EYS: variants seen among roughly 807,000 people sequenced by gnomAD.
The protein encoded by EYS is protein eyes shut homolog.
In EYS, 250 loss-of-function variants were observed where a neutral mutation model predicts 282.1. The observed-to-expected ratio is 0.89, with a 90% CI of 0.80 to 0.98. The LOEUF is 0.98. EYS is among the 50% of genes least tolerant of loss of function. The probability of loss-of-function intolerance (pLI) is 0.00; values close to 1 mark genes in which losing one functional copy is unlikely to be tolerated. For missense variants in EYS, 4,016 were observed against 3,709.0 expected, an observed-to-expected ratio of 1.08 and a Z score of -2.15; for synonymous variants, 1,355 against 1,282.9, an observed-to-expected ratio of 1.06 and a Z score of -1.20.
chr6:64,275,784 T>C (rs1768095002), intron 30 of EYS, among the ~76,000 whole-genome samples: 1 of 138,494 alleles, frequency 7.2e-6, no homozygotes, highest in South Asian at 2.4e-4. Flanking sequence ...TGAAACCCTG[T>C]GTCTACTAAA....
At chr6:65,056,462 T>C (rs1773418798) in intron 13 of EYS, among the ~76,000 whole-genome samples, 1 of 152,004 alleles carries the variant, frequency 6.6e-6, no homozygotes, top group African/African-American at 2.4e-5. Context: ...TATGCTGGCA[T>C]GCACCTGTAG....
intron 26 of EYS, among the ~76,000 whole-genome samples, chr6:64,472,107 C>G: frequency 6.6e-6 from 1 of 152,070 alleles, no homozygotes; most frequent in East Asian, 1.9e-4. Flanking sequence ...CTGTGGATTA[C>G]TACACAAAAA....
chr6:64,660,140 T>C (rs1415468844), intron 22 of EYS, among the ~76,000 whole-genome samples: 3 of 152,112 alleles, frequency 2.0e-5, no homozygotes, highest in Admixed American at 6.5e-5. Context: ...AAAAACCACA[T>C]GATTATCTCA....
At chr6:65,348,776 G>T (rs999507436) in intron 9 of EYS, among the ~76,000 whole-genome samples, 3 of 151,626 alleles carry the variant, frequency 2.0e-5, no homozygotes, top group African/African-American at 7.2e-5. Flanking sequence ...TATTACTCAA[G>T]AAATCTTTGC....
At position 63,736,851 on chromosome 6, in the gene EYS, T is replaced by G. The variant is rs539002656; in HGVS notation, c.8072-10171A>C. Among the ~76,000 whole-genome samples the G allele has an allele frequency of 4.2e-3, 641 of 152,204 alleles. 6 individuals carry two copies. The highest frequency in any genetic ancestry group is 0.015 in the African/African-American group (615 of 41,530). On this transcript the variant is annotated intron_variant, in intron 41 of 42. Transcript: ENST00000503581. ...GGTATTTTATTCTCTTTGAAGCAAT[T>G]GTGAATGGGAGTTCACTCATGATTT... is the stretch of plus-strand genomic sequence containing the variant.
chr6:64,534,344 A>G (rs1764452622), intron 26 of EYS, among the ~76,000 whole-genome samples: 1 of 152,006 alleles, frequency 6.6e-6, no homozygotes, highest in African/African-American at 2.4e-5. Context: ...ATTTTCTAAA[A>G]TGAGTCTGTG....
chr6:64,305,301 T>A (rs1368012022), intron 30 of EYS, among the ~76,000 whole-genome samples: 2 of 151,258 alleles, frequency 1.3e-5, no homozygotes. Context: ...TGTTTATGAA[T>A]TGGAAAAAAG....
rs186901881 is a variant in EYS, at chr6:64,107,205, G to T, written c.6425-25203C>A. ...TGTTTGTACAGTCCCTTCAAACAGT[G>T]TATGAGTTGGATTCTCTAGAGGAAC... On this transcript the variant is annotated intron_variant, in intron 31 of 42. Coordinates refer to ENST00000503581, the MANE Select transcript of EYS (RefSeq NM_001142800.2). 4.2e-3 allele frequency among the ~76,000 whole-genome samples: 609 copies of T among 144,096 alleles called. 6 individuals are homozygous for T. Among genetic ancestry groups the T allele is most frequent in the South Asian group, 0.018 (83 of 4,638 alleles). 94.5% of individuals were successfully genotyped at this position (144,096 alleles called of 152,430 possible).
chr6:64,582,118 C>A (rs889105070), intron 26 of EYS, among the ~76,000 whole-genome samples: 2 of 152,262 alleles, frequency 1.3e-5, no homozygotes, highest in African/African-American at 2.4e-5. Flanking sequence ...ACCTCTGTCA[C>A]AACTATTCAA....
intron 26 of EYS, among the ~76,000 whole-genome samples, chr6:64,566,786 AT>A: frequency 6.6e-6 from 1 of 152,038 alleles, no homozygotes; most frequent in Non-Finnish European, 1.5e-5. Flanking sequence ...ATATATATAT[AT>A]TTTTAAGACA....
intron 2 of EYS, among the ~76,000 whole-genome samples, chr6:65,503,247 A>G (rs1275557317): frequency 6.6e-6 from 1 of 151,468 alleles, no homozygotes; most frequent in Admixed American, 6.6e-5. Flanking sequence ...TTATATGTTT[A>G]TTTACCATCT....
At chr6:64,093,630 C>T (rs1317752743) in intron 31 of EYS, among the ~76,000 whole-genome samples, 1 of 152,072 alleles carries the variant, frequency 6.6e-6, no homozygotes, top group African/African-American at 2.4e-5. Context: ...GTTGAAGTTG[C>T]CTATCAGCTT....
intron 1 of EYS, among the ~76,000 whole-genome samples, chr6:65,691,129 T>C (rs1360001509): frequency 1.3e-5 from 2 of 150,342 alleles, no homozygotes; most frequent in Non-Finnish European, 3.0e-5. Context: ...ATGGTACTTC[T>C]GGTTCTAGAT....
At chr6:65,421,536 C>A (rs1274175616) in intron 5 of EYS, among the ~76,000 whole-genome samples, 1 of 151,730 alleles carries the variant, frequency 6.6e-6, no homozygotes, top group Admixed American at 6.6e-5. Flanking sequence ...TATAGTAGCA[C>A]TCTTAATTTC....
intron 11 of EYS, among the ~76,000 whole-genome samples, chr6:65,324,817 C>T (rs760802528): frequency 1.1e-4 from 16 of 152,174 alleles, no homozygotes; most frequent in Admixed American, 1.3e-4. Flanking sequence ...TTCCTTTGGT[C>T]ATGAGAGTCA....
chr6:63,977,448 T>C (rs1766892386), intron 35 of EYS, among the ~76,000 whole-genome samples: 2 of 152,002 alleles, frequency 1.3e-5, no homozygotes, highest in African/African-American at 4.8e-5. Flanking sequence ...TTGTTTTCCC[T>C]TCCCAAAGGA....
At chr6:65,208,902 C>T (rs535886) in intron 12 of EYS, among the ~76,000 whole-genome samples, 9,750 of 151,822 alleles carry the variant, frequency 0.064, 337 homozygotes, top group African/African-American at 0.086. Flanking sequence ...GCAATACATT[C>T]AAGTCACAAA....
chr6:65,678,860 G>A (rs1490122), intron 1 of EYS, among the ~76,000 whole-genome samples: 52,832 of 148,092 alleles, frequency 0.36, 11,745 homozygotes, highest in Non-Finnish European at 0.49. Flanking sequence ...TTCATGAAAA[G>A]ATGCTAAATC....
At chr6:64,956,931 C>T (rs561448464) in intron 14 of EYS, among the ~76,000 whole-genome samples, 6 of 152,076 alleles carry the variant, frequency 3.9e-5, no homozygotes, top group Admixed American at 2.6e-4. Flanking sequence ...CAACAAATGC[C>T]GGTGAAGATG....
Sources: allele counts gnomAD v4.1 joint callset (sites outside exome capture counted in the v4.1 genomes callset), GRCh38; gene constraint gnomAD v4.1.1; transcripts MANE v1.5; gene names NCBI Gene and HGNC (gene_info 2026-07-23, HGNC 2026-07-21).